The following SHANK2 variants were observed in gnomAD, a reference collection of about 807,000 sequenced individuals.
SHANK2 encodes SH3 and multiple ankyrin repeat domains 2.
SHANK2 carries 43 observed loss-of-function variants against 133.7 expected under a neutral mutation model. The observed-to-expected ratio is 0.32, with a 90% CI of 0.25 to 0.41. The LOEUF is 0.41. Ranked by LOEUF, SHANK2 falls within the 10% of genes least tolerant of loss-of-function variation. The probability of loss-of-function intolerance (pLI) is 1.00; values close to 1 mark genes in which losing one functional copy is unlikely to be tolerated. For synonymous variants in SHANK2, 1,017 were observed against 952.8 expected (o/e 1.07, Z -1.24); for missense variants, 1,994 against 2,235.8 (o/e 0.89, Z 2.18).
chr11:71,083,101 T>C (rs1951323736), intron 8 of SHANK2, among the ~76,000 whole-genome samples: 2 of 152,126 alleles, frequency 1.3e-5, no homozygotes, highest in Non-Finnish European at 1.5e-5. Flanking sequence ...TGTGCCACCA[T>C]GCCCTAATTT....
chr11:70,818,115 A>G (rs553120901), intron 12 of SHANK2, among the ~76,000 whole-genome samples: 3 of 152,200 alleles, frequency 2.0e-5, no homozygotes, highest in Non-Finnish European at 4.4e-5. Flanking sequence ...GGTACAGTAC[A>G]GAAGCGTGTA....
intron 12 of SHANK2, among the ~76,000 whole-genome samples, chr11:70,809,034 G>C (rs1368140622): frequency 6.6e-6 from 1 of 152,204 alleles, no homozygotes; most frequent in Non-Finnish European, 1.5e-5. Context: ...CACCTTAACA[G>C]GGCCCAGAGA....
chr11:71,241,398 G>T (rs782387048), intron 1 of SHANK2, among the ~76,000 whole-genome samples: 5 of 152,084 alleles, frequency 3.3e-5, no homozygotes, highest in Admixed American at 3.3e-4. Flanking sequence ...CGGAAGCCCC[G>T]CTTCCCCTGC....
At chr11:70,650,803 C>A (rs1008520180) in intron 17 of SHANK2, among the ~76,000 whole-genome samples, 1 of 152,218 alleles carries the variant, frequency 6.6e-6, no homozygotes, top group African/African-American at 2.4e-5. Flanking sequence ...GGGGCCTTCA[C>A]CACACTCTGC....
At chr11:70,722,510 T>C (rs1946093452) in intron 14 of SHANK2, among the ~76,000 whole-genome samples, 1 of 152,208 alleles carries the variant, frequency 6.6e-6, no homozygotes, top group Non-Finnish European at 1.5e-5. Context: ...TAGGCGATTG[T>C]TTTTTCTGAC....
chr11:70,617,546 G>A (rs181693313), intron 17 of SHANK2, among the ~76,000 whole-genome samples: 1 of 152,104 alleles, frequency 6.6e-6, no homozygotes, highest in Admixed American at 6.5e-5. Context: ...GCAGAGCTAG[G>A]GGGCAGACGC....
intron 17 of SHANK2, among the ~76,000 whole-genome samples, chr11:70,641,315 G>A (rs938948321): frequency 6.6e-5 from 10 of 152,050 alleles, no homozygotes; most frequent in African/African-American, 1.9e-4. Context: ...GGATGGTCTC[G>A]ATCTCCTGAC....
chr11:71,208,860 A>G (rs1351277674), intron 2 of SHANK2, among the ~76,000 whole-genome samples: 11 of 152,186 alleles, frequency 7.2e-5, no homozygotes, highest in African/African-American at 2.7e-4. Flanking sequence ...GACTTAGAGC[A>G]GAGGTTGCTA....
chr11:71,154,443 G>A (rs1400584603), intron 2 of SHANK2, among the ~76,000 whole-genome samples: 1 of 152,132 alleles, frequency 6.6e-6, no homozygotes, highest in Non-Finnish European at 1.5e-5. Flanking sequence ...GGAAGGGGAG[G>A]CCAGCCGGGC....
In SHANK2 at chr11:71,147,321, C is replaced by A; in HGVS notation, c.6G>T (p.Pro2=). Residue 2 remains proline (P), a synonymous_variant, in exon 3 of 26, where the codon CCG becomes CCT. Transcript: ENST00000601538. M[P]RSPTSSEDEM... Reference sequence around the variant, plus strand: ...CGTCCTCGCTGGATGTTGGGCTGCGCGGCATGGCTGCCTGTGTCTTCGAGG... The same window carrying A: ...CGTCCTCGCTGGATGTTGGGCTGCGAGGCATGGCTGCCTGTGTCTTCGAGG... 2 of 1,547,764 alleles carry A rather than the reference C, an allele frequency of 1.3e-6. No homozygotes were observed. The highest frequency in any genetic ancestry group is 2.0e-5 in the Admixed American group (1 of 50,934).
At chr11:70,811,344 C>A (rs576031185) in intron 12 of SHANK2, among the ~76,000 whole-genome samples, 2 of 152,152 alleles carry the variant, frequency 1.3e-5, no homozygotes, top group Non-Finnish European at 2.9e-5. Flanking sequence ...TTTCCACACC[C>A]AAAGAGCTCC....
rs1482058205 is a variant in SHANK2, at chr11:70,468,373, G to C, written c.*4496C>G. The C allele has an allele frequency of 3.9e-5, 6 of 152,208 alleles. No homozygotes were observed. The highest frequency in any genetic ancestry group is 3.9e-4 in the Admixed American group (6 of 15,288). 9.4% of individuals were successfully genotyped at this position (152,208 alleles called of 1,614,324 possible). ...AGAAATCAAAGTGATGAGATCTGCGGAAGTCTGAGAAACAAGTTTGGAAAT... is the reference window on the plus strand; with the variant it reads ...AGAAATCAAAGTGATGAGATCTGCGCAAGTCTGAGAAACAAGTTTGGAAAT... On this transcript the variant is annotated 3_prime_UTR_variant, in exon 26 of 26. Transcript: ENST00000601538.
At chr11:70,734,613 G>A (rs534736076) in intron 14 of SHANK2, among the ~76,000 whole-genome samples, 2 of 152,230 alleles carry the variant, frequency 1.3e-5, no homozygotes, top group Non-Finnish European at 2.9e-5. Context: ...GGCCCAGCCA[G>A]GGCCCCCCGA....
At chr11:70,531,559 G>T (rs936583618) in intron 17 of SHANK2, among the ~76,000 whole-genome samples, 4 of 152,218 alleles carry the variant, frequency 2.6e-5, no homozygotes, top group Non-Finnish European at 5.9e-5. Flanking sequence ...GGTGACTGTG[G>T]CATGCAGCAG....
intron 9 of SHANK2, among the ~76,000 whole-genome samples, chr11:71,073,153 T>TTTTTTTTTTTTTTTTG (rs1951169043): frequency 3.0e-5 from 1 of 32,818 alleles, no homozygotes; most frequent in Non-Finnish European, 1.2e-4. Context: ...TTTTCTTTTT[T>TTTTTTTTTTTTTTTTG]TTCTTTTTTT....
intron 14 of SHANK2, among the ~76,000 whole-genome samples, chr11:70,748,049 C>T (rs1946680836): frequency 6.7e-6 from 1 of 148,698 alleles, no homozygotes; most frequent in Admixed American, 6.6e-5. Flanking sequence ...ATCTTGTCCA[C>T]TCTGTACACC....
intron 2 of SHANK2, among the ~76,000 whole-genome samples, chr11:71,153,293 C>T (rs1234165576): frequency 5.0e-5 from 5 of 100,664 alleles, no homozygotes; most frequent in Admixed American, 1.2e-4. Context: ...TCGGGCGGGT[C>T]GGGGGCGGGG....
chr11:70,950,194 G>T, intron 10 of SHANK2: 1 of 453,368 alleles, frequency 2.2e-6, no homozygotes, highest in South Asian at 1.6e-5. Context: ...GAGTAGCTGG[G>T]ATTACAGGAT....
At chr11:70,586,188 T>C (rs1283513825) in intron 17 of SHANK2, among the ~76,000 whole-genome samples, 1 of 152,022 alleles carries the variant, frequency 6.6e-6, no homozygotes, top group Non-Finnish European at 1.5e-5. Flanking sequence ...CTCTAGGATG[T>C]AACTGTCAGG....
Sources: allele counts gnomAD v4.1 joint callset (sites outside exome capture counted in the v4.1 genomes callset), GRCh38; gene constraint gnomAD v4.1.1; transcripts MANE v1.5; gene names NCBI Gene and HGNC (gene_info 2026-07-23, HGNC 2026-07-21).